The following ZNF496 variants were observed in gnomAD, a reference collection of about 807,000 sequenced individuals.
The protein encoded by ZNF496 is NSD1 (nuclear receptor binding SET-domain containing 1)-interacting zinc finger protein 1.
Under a neutral mutation model 58.9 loss-of-function variants are expected in ZNF496, and 11 were observed. That is an observed-to-expected ratio of 0.19 (90% CI 0.12 to 0.31). ZNF496 has a LOEUF of 0.31. ZNF496 is among the 10% of genes least tolerant of loss of function. The probability of loss-of-function intolerance (pLI) is 1.00; values close to 1 mark genes in which losing one functional copy is unlikely to be tolerated. For missense variants in ZNF496, 660 were observed against 783.0 expected (o/e 0.84, Z 1.88); for synonymous variants, 338 against 318.2 (o/e 1.06, Z -0.66).
At chr1:247,319,363 A>C (rs1405944371) in intron 6 of ZNF496, among the ~76,000 whole-genome samples, 2 of 152,218 alleles carry the variant, frequency 1.3e-5, no homozygotes, top group African/African-American at 4.8e-5. Flanking sequence ...TATATAATGT[A>C]ATACTTAGAA....
intron 9 of ZNF496, chr1:247,306,993 TAAAG>T (rs1369404783): frequency 1.0e-5 from 7 of 670,144 alleles, no homozygotes; most frequent in African/African-American, 2.0e-5. Context: ...GTTTAGGACA[TAAAG>T]AAAACAAGTA....
intron 9 of ZNF496, chr1:247,304,092 G>C: frequency 4.7e-6 from 2 of 428,010 alleles, no homozygotes; most frequent in Non-Finnish European, 9.2e-6. Flanking sequence ...AATAAAAGAA[G>C]GCTAGGACTT....
chr1:247,325,119 C>T (rs778255206), intron 5 of ZNF496, among the ~76,000 whole-genome samples: 1 of 152,252 alleles, frequency 6.6e-6, no homozygotes, highest in Non-Finnish European at 1.5e-5. Context: ...GCCAGTGTCC[C>T]TGGCCTTTCA....
At chr1:247,318,282 G>A (rs1222719805) in intron 6 of ZNF496, among the ~76,000 whole-genome samples, 1 of 152,190 alleles carries the variant, frequency 6.6e-6, no homozygotes, top group African/African-American at 2.4e-5. Flanking sequence ...ATCCTTAGCA[G>A]TCTGGAGAGG....
intron 9 of ZNF496, among the ~76,000 whole-genome samples, chr1:247,301,515 C>T (rs1438973680): frequency 6.6e-6 from 1 of 152,164 alleles, no homozygotes. Flanking sequence ...CTCCCTCTTC[C>T]CAGCCATTTT....
Position 247,320,946 on chromosome 1 carries a change from A to G in ZNF496, c.651+2208T>C, listed in dbSNP as rs191541953. On this transcript the variant is annotated intron_variant, in intron 6 of 9. Transcript: ENST00000682384. ...TCCCAGCACTTTGGGAGGCCGAGGCAGGTGGATCACGAGGTCAAGAGTTCG... is the reference window on the plus strand; with the variant it reads ...TCCCAGCACTTTGGGAGGCCGAGGCGGGTGGATCACGAGGTCAAGAGTTCG... Among the ~76,000 whole-genome samples, 28 of 152,274 alleles carry G rather than the reference A, an allele frequency of 1.8e-4. No individual in the cohort carries two copies. In the East Asian group the frequency reaches 5.0e-3, roughly 27 times the overall value.
At chr1:247,316,141 T>TGTGTGTGC (rs1659761182) in intron 6 of ZNF496, among the ~76,000 whole-genome samples, 1 of 108,304 alleles carries the variant, frequency 9.2e-6, no homozygotes, top group South Asian at 2.4e-4. Flanking sequence ...GAGGGGTGTG[T>TGTGTGTGC]GTGTGTGTGT....
Position 247,322,744 on chromosome 1 carries a change from C to T in ZNF496, c.651+410G>A, listed in dbSNP as rs762284240. 11 of 1,290,878 alleles carry T rather than the reference C, an allele frequency of 8.5e-6. 1 individual carries two copies. The South Asian group carries it at 1.2e-4, about 14-fold the overall frequency. 80.0% of individuals were successfully genotyped at this position (1,290,878 alleles called of 1,614,324 possible). The stretch of plus-strand genomic sequence containing the variant: ...TGAAATTATCTGTGCTTTCTTCCCT[C>T]CACTTCCTAACATTTCTAAAATATA... On this transcript the variant is annotated intron_variant, in intron 6 of 9. Transcript: ENST00000682384.
At chr1:247,328,439 C>T (rs1660209771) in intron 5 of ZNF496, among the ~76,000 whole-genome samples, 1 of 152,162 alleles carries the variant, frequency 6.6e-6, no homozygotes, top group Non-Finnish European at 1.5e-5. Context: ...TCAGTGACAC[C>T]CACCTACAGA....
At chr1:247,304,004 T>C in intron 9 of ZNF496, 1 of 403,604 alleles carries the variant, frequency 2.5e-6, no homozygotes, top group East Asian at 8.4e-5. Flanking sequence ...GTGGACTGCA[T>C]GGAGGGCAGG....
At chr1:247,324,442 T>C (rs893528279) in intron 5 of ZNF496, among the ~76,000 whole-genome samples, 4 of 152,046 alleles carry the variant, frequency 2.6e-5, no homozygotes, top group African/African-American at 4.8e-5. Flanking sequence ...TACTTGAAAA[T>C]TGCTAAGAGG....
chr1:247,327,413 T>C (rs770737034), intron 5 of ZNF496, among the ~76,000 whole-genome samples: 3 of 152,180 alleles, frequency 2.0e-5, no homozygotes, highest in Non-Finnish European at 2.9e-5. Flanking sequence ...GTGTTAACAT[T>C]AGGCATGTCT....
At position 247,301,178 on chromosome 1, in the gene ZNF496, G is replaced by A. The variant is rs1172200780; in HGVS notation, c.1105C>T (p.Pro369Ser). The A allele has an allele frequency of 1.9e-6, 3 of 1,595,550 alleles. No homozygotes were observed. The highest frequency in any genetic ancestry group is 1.7e-5 in the Admixed American group (1 of 57,164). The change falls in exon 10 of 10, where the codon CCG (proline) becomes TCG (serine). Residue 369 changes from proline (P) to serine (S), a missense_variant. By Grantham distance (74) the Pro-to-Ser change is moderately conservative. Transcript: ENST00000682384. Reference protein sequence around the residue: ...SSGDEDSQHGPYCTEELGSPT... With the variant: ...SSGDEDSQHGSYCTEELGSPT... ...CTCCCCAGCTCTTCTGTGCAGTACG[G>A]GCCATGCTGGGAGTCCTCGTCCCCA... is the stretch of plus-strand genomic sequence containing the variant.
chr1:247,302,680 G>C (rs938132202), intron 9 of ZNF496, among the ~76,000 whole-genome samples: 1 of 152,102 alleles, frequency 6.6e-6, no homozygotes, highest in South Asian at 2.1e-4. Flanking sequence ...CTTGGTTTTC[G>C]AGCTGCAGGA....
Position 247,300,779 on chromosome 1 carries a change from A to G in ZNF496, c.1504T>C (p.Ser502Pro), listed in dbSNP as rs755834916. Residue 502 changes from serine to proline, a missense_variant, in exon 10 of 10, where the codon TCC becomes CCC. Ser to Pro is a moderately conservative substitution (Grantham distance 74). Coordinates refer to ENST00000682384, the MANE Select transcript of ZNF496 (RefSeq NM_032752.3). This position sits in a 1 kb window ranked among gnomAD's most constrained non-coding sequence, Gnocchi z 5.7. ...QPVEKREQAA[S>P]EDADKGPKEP... Reference sequence around the variant, plus strand: ...TTGGGACCCTTGTCCGCGTCCTCGGATGCCGCCTGCTCTCTCTTCTCCACC... The same window carrying G: ...TTGGGACCCTTGTCCGCGTCCTCGGGTGCCGCCTGCTCTCTCTTCTCCACC... 1.2e-5 allele frequency: 20 copies of G among 1,603,030 alleles called. No individual in the cohort carries two copies. Among genetic ancestry groups the G allele is most frequent in the Non-Finnish European group, 8.5e-7 (1 of 1,172,436 alleles).
chr1:247,327,858 C>T (rs190074674), intron 5 of ZNF496, among the ~76,000 whole-genome samples: 19 of 150,840 alleles, frequency 1.3e-4, no homozygotes, highest in African/African-American at 2.4e-4. Context: ...TATAAAGCAC[C>T]GTGGCAAGTC....
intron 5 of ZNF496, among the ~76,000 whole-genome samples, chr1:247,323,777 AAAG>A (rs1030036216): frequency 2.0e-5 from 3 of 151,584 alleles, no homozygotes; most frequent in African/African-American, 7.3e-5. Flanking sequence ...AGAAAAAAAA[AAAG>A]AAGAAGAAAA....
At chr1:247,301,321 A>G in intron 9 of ZNF496, 45 bp from the exon 10 acceptor site, 4 of 1,485,558 alleles carry the variant, frequency 2.7e-6, no homozygotes, top group Non-Finnish European at 2.7e-6. Flanking sequence ...CACAGGCCAC[A>G]TCCCAGCCCC....
At chr1:247,310,031 A>G in intron 7 of ZNF496, 1 of 1,426,346 alleles carries the variant, frequency 7.0e-7, no homozygotes, top group Non-Finnish European at 9.1e-7. Flanking sequence ...TGTAAAGCAG[A>G]CATAAAGGGA....
Sources: gnomAD v4.1 joint callset for allele counts (sites outside exome capture counted in the v4.1 genomes callset) on GRCh38, gnomAD v4.1.1 for gene constraint, Gnocchi (gnomAD v3.1) non-coding constraint, MANE v1.5 for transcripts, NCBI Gene and HGNC (gene_info 2026-07-23, HGNC 2026-07-21) for gene names.